PCM1: variants seen among roughly 807,000 people sequenced by gnomAD.
The protein encoded by PCM1 is pericentriolar material 1 protein.
In PCM1, 157 loss-of-function variants were observed where a neutral mutation model predicts 241.9. The ratio of observed to expected loss-of-function variants is 0.65; its 90% CI spans 0.57 to 0.74. The LOEUF (loss-of-function observed/expected upper bound fraction) is 0.74. PCM1 is among the 30% of genes least tolerant of loss of function. PCM1 has a pLI of 0.00. For missense variants in PCM1, 3,478 were observed against 2,360.1 expected (o/e 1.47, Z -9.81); for synonymous variants, 1,085 against 784.9 (o/e 1.38, Z -6.39).
rs577940456 is a variant in PCM1 at position 17,924,077 on chromosome 8, G to A, written c.-90-636G>A. Among the ~76,000 whole-genome samples, 188 of 152,160 alleles carry A rather than the reference G, an allele frequency of 1.2e-3. 1 individual carries two copies. The highest frequency in any genetic ancestry group is 1.7e-3 in the Non-Finnish European group (118 of 68,000). ...ACGGTTCGTGTTTGGGCGCTGGAAG[G>A]AGCGGGCTTTCTGGGCGCCCCTACC... On this transcript the variant is annotated intron_variant, in intron 1 of 38. Transcript: ENST00000325083.
At chr8:18,011,181 A>T in intron 32 of PCM1, 56 bp from the exon 33 acceptor site, 1 of 1,286,122 alleles carries the variant, frequency 7.8e-7, no homozygotes, top group South Asian at 1.5e-5. Context: ...GACTTACTAT[A>T]TACCTTTTAC....
intron 34 of PCM1, among the ~76,000 whole-genome samples, chr8:18,012,841 T>G (rs1204362951): frequency 6.6e-6 from 1 of 152,228 alleles, no homozygotes; most frequent in South Asian, 2.1e-4. Context: ...TTAACACTTG[T>G]ATGAAATTAT....
In PCM1 at chr8:18,028,792, T is replaced by C. The variant is rs567817289; in HGVS notation, c.*1130T>C. ...TACAAAGAATTAGTTCCAATAAGTA[T>C]TTTAACTTTGTTAACAACTGAAATA... On this transcript the variant is annotated 3_prime_UTR_variant, in exon 39 of 39. Coordinates refer to ENST00000325083, the MANE Select transcript of PCM1 (RefSeq NM_006197.4). 4.4e-4 allele frequency: 83 copies of C among 190,324 alleles called. No individual in the cohort carries two copies. Among genetic ancestry groups the C allele is most frequent in the African/African-American group, 1.9e-3 (82 of 43,092 alleles). The allele number at this position is 190,324 out of a possible 1,614,324, so 11.8% of individuals were successfully genotyped here. A position where few individuals can be genotyped will look rare whatever the true frequency, so the allele number is the denominator to read the frequency against.
intron 3 of PCM1, among the ~76,000 whole-genome samples, chr8:17,936,130 C>A (rs1484921676): frequency 1.3e-5 from 2 of 152,134 alleles, no homozygotes; most frequent in East Asian, 3.9e-4. Flanking sequence ...TGTTCTAAAC[C>A]TTTTAGTTAT....
chr8:18,029,156 CA>C lies in PCM1; in HGVS notation c.*1520del, dbSNP rs11333913. 5,156 of 56,012 alleles carry C rather than the reference CA, an allele frequency of 0.092. 42 individuals carry two copies. The highest frequency in any genetic ancestry group is 0.21 in the East Asian group (664 of 3,234). The allele number at this position is 56,012 out of a possible 1,614,324, so 3.5% of individuals were successfully genotyped here. On this transcript the variant is annotated 3_prime_UTR_variant, in exon 39 of 39. Coordinates refer to ENST00000325083, the MANE Select transcript of PCM1 (RefSeq NM_006197.4). ...CTGGCAACAGAGCGAGACTCTGTCT[CA>C]AAAAAAAAAAAAAAAAAAAAAAAAA...
At chr8:17,947,534 G>A (rs2064294642) in intron 7 of PCM1, among the ~76,000 whole-genome samples, 171 bp downstream of exon 7, 1 of 152,158 alleles carries the variant, frequency 6.6e-6, no homozygotes, top group African/African-American at 2.4e-5. Flanking sequence ...AGAAAAGGTT[G>A]CAGGGACAAC....
rs1186934812 is a variant in PCM1 at position 17,967,225 on chromosome 8, G to A, written c.3412+55G>A. The stretch of plus-strand genomic sequence containing the variant: ...ATAAAAGCAAAGTGTTTGGAACAAC[G>A]TAATTTGTCTATTGCCTAGATGTTT... On this transcript the variant is annotated intron_variant, in intron 21 of 38. Transcript: ENST00000325083. 1.9e-5 allele frequency: 24 copies of A among 1,290,544 alleles called. No homozygotes were observed. In the Admixed American group the frequency reaches 2.7e-4, roughly 14 times the overall value. 79.9% of individuals were successfully genotyped at this position (1,290,544 alleles called of 1,614,324 possible). A position where few individuals can be genotyped will look rare whatever the true frequency, so the allele number is the denominator to read the frequency against.
chr8:17,981,166 A>G (rs896130910), intron 24 of PCM1, among the ~76,000 whole-genome samples: 3 of 151,990 alleles, frequency 2.0e-5, no homozygotes, highest in Non-Finnish European at 4.4e-5. Flanking sequence ...GCCTCTCCAG[A>G]CTCATTTCTC....
chr8:17,993,435 T>C, intron 28 of PCM1, 48 bp from the exon 29 acceptor site: 1 of 1,331,236 alleles, frequency 7.5e-7, no homozygotes, highest in Non-Finnish European at 1.0e-6. Flanking sequence ...CATATATGTA[T>C]ATATAATAGG....
At position 17,951,345 on chromosome 8, in the gene PCM1, G is replaced by A. The variant is rs79970511; in HGVS notation, c.1071+621G>A. ...CTTCTTGCTGACCAAGTGAAAATGA[G>A]AGAATATGGCCCAACCACTTTGGAG... is the stretch of plus-strand genomic sequence containing the variant. On this transcript the variant is annotated intron_variant, in intron 8 of 38. Coordinates refer to ENST00000325083, the MANE Select transcript of PCM1 (RefSeq NM_006197.4). Among the ~76,000 whole-genome samples, 1,031 of 152,286 alleles carry A rather than the reference G, an allele frequency of 6.8e-3. 12 individuals are homozygous for A. Among genetic ancestry groups the A allele is most frequent in the African/African-American group, 0.023 (966 of 41,560 alleles).
At chr8:17,968,913 T>C (rs756116005) in intron 21 of PCM1, among the ~76,000 whole-genome samples, 11 of 151,904 alleles carry the variant, frequency 7.2e-5, no homozygotes, top group Non-Finnish European at 1.2e-4. Flanking sequence ...AATAAGAAAT[T>C]GCAAATGCTC....
At position 18,011,832 on chromosome 8, in the gene PCM1, TC is replaced by T; in HGVS notation, c.5511+8del. The T allele has an allele frequency of 1.2e-6, 2 of 1,609,860 alleles. No homozygotes were observed. Among genetic ancestry groups the T allele is most frequent in the Non-Finnish European group, 8.5e-7 (1 of 1,178,554 alleles). ...GAAAATGAACATGATGAACAGGTAT[TC>T]CCGTATTGACTGACACACTTCCATC... On this transcript the variant is annotated splice_donor_region_variant and intron_variant, in intron 34 of 38. Coordinates refer to ENST00000325083, the MANE Select transcript of PCM1 (RefSeq NM_006197.4).
In PCM1 at chr8:18,009,742, G is replaced by A; in HGVS notation, c.5158G>A (p.Glu1720Lys). 7.0e-7 allele frequency: 1 copy of A among 1,436,394 alleles called. No homozygotes were observed. Among genetic ancestry groups the A allele is most frequent in the Non-Finnish European group, 9.2e-7 (1 of 1,090,638 alleles). The allele number at this position is 1,436,394 out of a possible 1,614,324, so 89.0% of individuals were successfully genotyped here. A position where few individuals can be genotyped will look rare whatever the true frequency, so the allele number is the denominator to read the frequency against. Reference sequence around the variant, plus strand: ...TGGAGTGATACAATCTTGTGCCAAAGAGGTAAATAACGTTCATTTTGATTT... The same window carrying A: ...TGGAGTGATACAATCTTGTGCCAAAAAGGTAAATAACGTTCATTTTGATTT... ...ATGVIQSCAK[E>K]AKRILEDHGS... The change falls in exon 31 of 39, where the codon GAG becomes AAG. Residue 1720 changes from glutamate (E) to lysine (K), a missense_variant and splice_region_variant. Transcript: ENST00000325083.
chr8:17,981,257 T>C (rs1161733420), intron 24 of PCM1, among the ~76,000 whole-genome samples: 1 of 152,218 alleles, frequency 6.6e-6, no homozygotes, highest in Non-Finnish European at 1.5e-5. Flanking sequence ...TTTCTTACCT[T>C]GGTAGCTGTT....
Position 17,955,584 on chromosome 8 carries a change from C to G in PCM1, c.1403C>G (p.Pro468Arg), listed in dbSNP as rs767026913. Residue 468 changes from proline (P) to arginine (R), a missense_variant, in exon 10 of 39, where the codon CCT becomes CGT. Physicochemically the swap from Pro to Arg is moderately radical, Grantham distance 103. Coordinates refer to ENST00000325083, the MANE Select transcript of PCM1 (RefSeq NM_006197.4). ...AGCCTCACATCATCTGTTCCTTATC[C>G]TACTGCTTCTCTAGTATCTCAGAAT... Reference protein sequence around the residue: ...SNSLTSSVPYPTASLVSQNES... With the variant: ...SNSLTSSVPYRTASLVSQNES... 2 of 1,613,658 alleles carry G rather than the reference C, an allele frequency of 1.2e-6. No homozygotes were observed. The highest frequency in any genetic ancestry group is 1.7e-4 in the Middle Eastern group (1 of 6,060).
intron 6 of PCM1, 84 bp from the exon 7 acceptor site, chr8:17,947,102 A>G (rs1021304250): frequency 1.6e-5 from 12 of 741,490 alleles, no homozygotes; most frequent in South Asian, 1.2e-4. Flanking sequence ...TTTGTTATCA[A>G]TGTGTATACT....
chr8:17,985,906 A>T, intron 25 of PCM1, 53 bp from the exon 26 acceptor site: 1 of 1,188,936 alleles, frequency 8.4e-7, no homozygotes, highest in East Asian at 2.6e-5. Flanking sequence ...AATATAAATG[A>T]ATGATTAAGC....
At chr8:18,001,193 T>C (rs2089289569) in intron 29 of PCM1, among the ~76,000 whole-genome samples, 1 of 152,214 alleles carries the variant, frequency 6.6e-6, no homozygotes, top group Non-Finnish European at 1.5e-5. Flanking sequence ...TGATGGCTGC[T>C]ATGAGGTCAA....
intron 13 of PCM1, among the ~76,000 whole-genome samples, chr8:17,958,875 C>G (rs927459655): frequency 6.6e-6 from 1 of 152,070 alleles, no homozygotes; most frequent in Admixed American, 6.5e-5. Context: ...ATGTGTACCA[C>G]CACACCTGGC....
Sources: allele counts gnomAD v4.1 joint callset (sites outside exome capture counted in the v4.1 genomes callset), GRCh38; gene constraint gnomAD v4.1.1; transcripts MANE v1.5; gene names NCBI Gene and HGNC (gene_info 2026-07-23, HGNC 2026-07-21).